The following SHISA9 variants were observed in gnomAD, a reference collection of about 807,000 sequenced individuals.
The protein encoded by SHISA9 is protein shisa-9.
SHISA9 carries 13 observed loss-of-function variants against 38.0 expected under a neutral mutation model. The ratio of observed to expected loss-of-function variants is 0.34; its 90% CI spans 0.22 to 0.54. The LOEUF is 0.54. Ranked by LOEUF, SHISA9 falls within the 20% of genes least tolerant of loss-of-function variation. The probability of loss-of-function intolerance (pLI) is 0.91; values close to 1 mark genes in which losing one functional copy is unlikely to be tolerated. For synonymous variants in SHISA9, 275 were observed against 242.0 expected, an observed-to-expected ratio of 1.14 and a Z score of -1.27; for missense variants, 538 against 575.8, an observed-to-expected ratio of 0.93 and a Z score of 0.67.
the SHISA9 span, among the ~76,000 whole-genome samples, chr16:13,391,554 C>T: frequency 2.0e-5 from 3 of 152,184 alleles, no homozygotes; most frequent in Non-Finnish European, 2.9e-5. Flanking sequence ...ACACAGATGG[C>T]TGGGTTCGGG....
intron 2 of SHISA9, among the ~76,000 whole-genome samples, chr16:12,930,609 G>C (rs184775785): frequency 2.0e-5 from 3 of 152,304 alleles, no homozygotes; most frequent in Admixed American, 2.0e-4. Context: ...AAACTAAGGA[G>C]GGAATTGGGT....
intron 2 of SHISA9, among the ~76,000 whole-genome samples, chr16:13,053,206 G>T (rs996404555): frequency 1.5e-4 from 23 of 151,406 alleles, no homozygotes; most frequent in African/African-American, 5.6e-4. Context: ...CCGGTGATCC[G>T]CCCACCTCGG....
At chr16:13,214,805 C>G (rs1246505610) in intron 4 of SHISA9, among the ~76,000 whole-genome samples, 2 of 152,152 alleles carry the variant, frequency 1.3e-5, no homozygotes, top group Non-Finnish European at 2.9e-5. Flanking sequence ...CACTCACTCT[C>G]ACAAGAACAG....
At chr16:13,263,037 T>G in the SHISA9 span, among the ~76,000 whole-genome samples, 1 of 152,178 alleles carries the variant, frequency 6.6e-6, no homozygotes. Context: ...GCCTTAAATT[T>G]TCTTGCAACG....
the SHISA9 span, among the ~76,000 whole-genome samples, chr16:13,276,896 C>T: frequency 6.6e-6 from 1 of 151,920 alleles, no homozygotes. Flanking sequence ...TTCCTTTTAC[C>T]ATGCAAAAGC....
the SHISA9 span, among the ~76,000 whole-genome samples, chr16:13,398,221 T>A: frequency 6.6e-6 from 1 of 152,002 alleles, no homozygotes; most frequent in Non-Finnish European, 1.5e-5. Context: ...AAAACAGAAA[T>A]ACCCATCCTC....
chr16:13,471,245 C>G, the SHISA9 span, among the ~76,000 whole-genome samples: 1 of 152,114 alleles, frequency 6.6e-6, no homozygotes, highest in South Asian at 2.1e-4. Flanking sequence ...CTGTCCGCCA[C>G]AGCAGTCCTG....
At chr16:12,971,113 G>A (rs2141810896) in intron 2 of SHISA9, among the ~76,000 whole-genome samples, 1 of 152,322 alleles carries the variant, frequency 6.6e-6, no homozygotes, top group East Asian at 1.9e-4. Flanking sequence ...GCATTGCTAA[G>A]TCTCTCTTTT....
intron 2 of SHISA9, among the ~76,000 whole-genome samples, chr16:13,088,524 C>T (rs2073739025): frequency 6.6e-6 from 1 of 152,108 alleles, no homozygotes. Context: ...TGAAGAGGTC[C>T]TTCACATCCC....
At chr16:12,929,385 A>G (rs537113405) in intron 2 of SHISA9, among the ~76,000 whole-genome samples, 2 of 152,354 alleles carry the variant, frequency 1.3e-5, no homozygotes, top group African/African-American at 4.8e-5. Context: ...ACTTGGAATC[A>G]ATCTAAATGC....
chr16:13,549,326 T>G, the SHISA9 span, among the ~76,000 whole-genome samples: 2 of 152,186 alleles, frequency 1.3e-5, no homozygotes, highest in Non-Finnish European at 2.9e-5. Context: ...AACAATATTT[T>G]ATATAAGAAA....
intron 2 of SHISA9, among the ~76,000 whole-genome samples, chr16:13,043,054 A>G (rs1501314): frequency 0.011 from 1,634 of 152,326 alleles, 39 homozygotes; most frequent in African/African-American, 0.038. Context: ...GGGTGCCTGG[A>G]CAGCAGTTGG....
At chr16:12,958,641 A>G (rs1226649177) in intron 2 of SHISA9, among the ~76,000 whole-genome samples, 1 of 152,170 alleles carries the variant, frequency 6.6e-6, no homozygotes, top group Non-Finnish European at 1.5e-5. Context: ...GCTGTCTTAT[A>G]TTTGCAATAG....
intron 2 of SHISA9, among the ~76,000 whole-genome samples, chr16:12,997,330 G>A (rs780020591): frequency 1.3e-4 from 20 of 150,478 alleles, no homozygotes; most frequent in Non-Finnish European, 2.7e-4. Flanking sequence ...TTGCTGAGTA[G>A]TATTCCATAG....
chr16:13,443,750 G>T, the SHISA9 span, among the ~76,000 whole-genome samples: 1 of 152,138 alleles, frequency 6.6e-6, no homozygotes, highest in Non-Finnish European at 1.5e-5. Flanking sequence ...TTAACAAAAT[G>T]GCACGCATCA....
intron 2 of SHISA9, among the ~76,000 whole-genome samples, chr16:13,191,111 C>A (rs1285633554): frequency 6.6e-6 from 1 of 152,108 alleles, no homozygotes; most frequent in African/African-American, 2.4e-5. Context: ...CATGGTATTT[C>A]AAACCATAAT....
the SHISA9 span, among the ~76,000 whole-genome samples, chr16:13,533,000 G>A: frequency 1.3e-5 from 2 of 152,032 alleles, no homozygotes; most frequent in Admixed American, 6.6e-5. Context: ...TCATTACTCT[G>A]TAGGACTTTG....
downstream of SHISA9, among the ~76,000 whole-genome samples, chr16:13,244,146 A>G (rs1427797594): frequency 3.9e-5 from 6 of 152,218 alleles, no homozygotes; most frequent in African/African-American, 1.4e-4. Flanking sequence ...TTATCTGGTG[A>G]ATGCCTATGG....
At chr16:12,969,069 A>C (rs184785502) in intron 2 of SHISA9, among the ~76,000 whole-genome samples, 1 of 151,550 alleles carries the variant, frequency 6.6e-6, no homozygotes, top group African/African-American at 2.4e-5. Flanking sequence ...AGGCTGGAGA[A>C]TCGCTTGAAC....
Sources: gnomAD v4.1 joint callset for allele counts (sites outside exome capture counted in the v4.1 genomes callset) on GRCh38, gnomAD v4.1.1 for gene constraint, MANE v1.5 for transcripts, NCBI Gene and HGNC (gene_info 2026-07-23, HGNC 2026-07-21) for gene names.